Variants in ROR1 observed in about 807,000 individuals in gnomAD.
ROR1 encodes ROR family WNT receptor 1, also known as inactive tyrosine-protein kinase transmembrane receptor ROR1.
Under a neutral mutation model 78.8 loss-of-function variants are expected in ROR1, and 19 were observed. The ratio of observed to expected loss-of-function variants is 0.24; its 90% CI spans 0.17 to 0.35. The LOEUF is 0.35. ROR1 is among the 10% of genes least tolerant of loss of function. The probability of loss-of-function intolerance (pLI) is 1.00; values close to 1 mark genes in which losing one functional copy is unlikely to be tolerated. For missense variants in ROR1, 917 were observed against 1,177.8 expected, an observed-to-expected ratio of 0.78 and a Z score of 3.24; for synonymous variants, 386 against 433.6, an observed-to-expected ratio of 0.89 and a Z score of 1.36.
intron 2 of ROR1, among the ~76,000 whole-genome samples, chr1:64,010,617 A>T (rs1570054082): frequency 6.6e-6 from 1 of 152,174 alleles, no homozygotes; most frequent in East Asian, 1.9e-4. Flanking sequence ...TTTTATGATT[A>T]GCTCTCTATT....
chr1:63,907,972 C>T (rs1203401638), intron 1 of ROR1, among the ~76,000 whole-genome samples: 1 of 152,158 alleles, frequency 6.6e-6, no homozygotes, highest in African/African-American at 2.4e-5. Flanking sequence ...TATTATTCTG[C>T]ATCTGAAACT....
intron 2 of ROR1, among the ~76,000 whole-genome samples, chr1:64,043,436 C>A (rs1424458612): frequency 4.6e-5 from 7 of 152,196 alleles, no homozygotes; most frequent in Non-Finnish European, 7.3e-5. Flanking sequence ...CCAGAGAGGT[C>A]ATAAAATAAC....
chr1:63,842,622 A>G (rs1424519002), intron 1 of ROR1, among the ~76,000 whole-genome samples: 1 of 152,066 alleles, frequency 6.6e-6, no homozygotes, highest in East Asian at 1.9e-4. Context: ...CAGAAACGGA[A>G]GGGACTCATG....
chr1:64,061,352 CTATATT>C (rs1646916056), intron 4 of ROR1, among the ~76,000 whole-genome samples: 1 of 152,148 alleles, frequency 6.6e-6, no homozygotes, highest in Admixed American at 6.5e-5. Context: ...CTTTCCCTTC[CTATATT>C]TATAAGTTTT....
intron 1 of ROR1, among the ~76,000 whole-genome samples, chr1:63,953,183 CTG>C (rs1645954591): frequency 6.6e-6 from 1 of 152,106 alleles, no homozygotes; most frequent in Non-Finnish European, 1.5e-5. Flanking sequence ...TTGTATATTC[CTG>C]TGTTCACACT....
At chr1:64,034,730 G>A (rs1011245909) in intron 2 of ROR1, among the ~76,000 whole-genome samples, 1 of 152,138 alleles carries the variant, frequency 6.6e-6, no homozygotes, top group Non-Finnish European at 1.5e-5. Context: ...ATAGATCAGA[G>A]GGTCAGGGGA....
intron 4 of ROR1, among the ~76,000 whole-genome samples, chr1:64,133,914 C>T (rs1649014333): frequency 6.6e-6 from 1 of 152,070 alleles, no homozygotes; most frequent in Non-Finnish European, 1.5e-5. Flanking sequence ...CCCCTCCAGC[C>T]AAAGCCAGTG....
chr1:64,141,255 A>G (rs1232631520), intron 6 of ROR1, among the ~76,000 whole-genome samples: 3 of 152,192 alleles, frequency 2.0e-5, no homozygotes, highest in African/African-American at 7.2e-5. Context: ...AAAAAAAGGA[A>G]GTTCAATTGG....
At chr1:64,122,946 T>C (rs1648594226) in intron 4 of ROR1, among the ~76,000 whole-genome samples, 1 of 152,086 alleles carries the variant, frequency 6.6e-6, no homozygotes, top group African/African-American at 2.4e-5. Flanking sequence ...AAAGAATGGC[T>C]CCTCCCTCAT....
intron 1 of ROR1, among the ~76,000 whole-genome samples, chr1:63,905,276 A>G (rs1038149636): frequency 6.6e-6 from 1 of 152,102 alleles, no homozygotes; most frequent in Non-Finnish European, 1.5e-5. Flanking sequence ...GACACAAACT[A>G]TTTGTTGATT....
chr1:64,051,394 G>C (rs537069936), intron 4 of ROR1, among the ~76,000 whole-genome samples: 1 of 151,288 alleles, frequency 6.6e-6, no homozygotes, highest in South Asian at 2.1e-4. Flanking sequence ...AGCTTGCAGT[G>C]AGCCCAGATG....
At chr1:63,804,089 A>G (rs985478669) in intron 1 of ROR1, among the ~76,000 whole-genome samples, 1 of 151,656 alleles carries the variant, frequency 6.6e-6, no homozygotes, top group African/African-American at 2.4e-5. Context: ...GAAATAGAGA[A>G]CAGATTAATG....
intron 4 of ROR1, among the ~76,000 whole-genome samples, chr1:64,090,048 A>T (rs546390601): frequency 6.6e-6 from 1 of 152,192 alleles, no homozygotes; most frequent in South Asian, 2.1e-4. Flanking sequence ...CACCATGATT[A>T]TGAGACCTCC....
chr1:63,900,807 A>T (rs183683776), intron 1 of ROR1, among the ~76,000 whole-genome samples: 1,737 of 152,104 alleles, frequency 0.011, 35 homozygotes, highest in African/African-American at 0.039. Context: ...AATGTAATTT[A>T]AAAAAAATCT....
chr1:63,969,464 A>T (rs556162042), intron 1 of ROR1, among the ~76,000 whole-genome samples: 1 of 152,042 alleles, frequency 6.6e-6, no homozygotes, highest in African/African-American at 2.4e-5. Flanking sequence ...TGAGCTATGG[A>T]CTCATAGCAC....
At chr1:63,849,377 T>C (rs1474992091) in intron 1 of ROR1, among the ~76,000 whole-genome samples, 1 of 152,184 alleles carries the variant, frequency 6.6e-6, no homozygotes, top group Non-Finnish European at 1.5e-5. Context: ...CAGAGGAGTT[T>C]GTGATGGCCA....
intron 4 of ROR1, among the ~76,000 whole-genome samples, chr1:64,099,909 G>C (rs960239632): frequency 1.3e-5 from 2 of 152,084 alleles, no homozygotes; most frequent in Non-Finnish European, 1.5e-5. Flanking sequence ...ACAAAAATTA[G>C]CTGGACGTGG....
intron 1 of ROR1, among the ~76,000 whole-genome samples, chr1:63,920,906 T>C (rs898344822): frequency 6.6e-6 from 1 of 152,214 alleles, no homozygotes; most frequent in Non-Finnish European, 1.5e-5. Flanking sequence ...TTAGTAAGAA[T>C]GTTGGACACT....
At chr1:63,872,835 A>G (rs986062656) in intron 1 of ROR1, among the ~76,000 whole-genome samples, 1 of 150,934 alleles carries the variant, frequency 6.6e-6, no homozygotes. Flanking sequence ...AAACACAATT[A>G]TCTTCATAGA....
Sources: gnomAD v4.1 joint callset for allele counts (sites outside exome capture counted in the v4.1 genomes callset) on GRCh38, gnomAD v4.1.1 for gene constraint, MANE v1.5 for transcripts, NCBI Gene and HGNC (gene_info 2026-07-23, HGNC 2026-07-21) for gene names.